DLGAP2: variants seen among roughly 807,000 people sequenced by gnomAD.
The protein encoded by DLGAP2 is disks large-associated protein 2.
In DLGAP2, 26 loss-of-function variants were observed where a neutral mutation model predicts 100.3. The observed-to-expected ratio is 0.26, with a 90% CI of 0.19 to 0.36. The LOEUF (loss-of-function observed/expected upper bound fraction) is 0.36, where lower values mean the gene tolerates loss of function less well. DLGAP2 is among the 10% of genes least tolerant of loss of function. The pLI is 1.00. For synonymous variants in DLGAP2, 886 were observed against 630.1 expected (o/e 1.41, Z -6.08); for missense variants, 1,858 against 1,453.2 (o/e 1.28, Z -4.53).
intron 2 of DLGAP2, among the ~76,000 whole-genome samples, chr8:1,209,215 C>T (rs187282747): frequency 2.0e-5 from 3 of 152,164 alleles, no homozygotes; most frequent in Admixed American, 6.5e-5. Flanking sequence ...GCAAAAAGAA[C>T]GAATCTGGAG....
At chr8:1,331,465 C>A (rs892021776) in intron 3 of DLGAP2, among the ~76,000 whole-genome samples, 1 of 152,176 alleles carries the variant, frequency 6.6e-6, no homozygotes, top group Non-Finnish European at 1.5e-5. Context: ...GCCGGGCAAA[C>A]AACAGACTCC....
At chr8:1,685,131 G>C (rs1416370258) in intron 12 of DLGAP2, among the ~76,000 whole-genome samples, 1 of 151,308 alleles carries the variant, frequency 6.6e-6, no homozygotes, top group Non-Finnish European at 1.5e-5. Context: ...CTTCCATGCT[G>C]AGACAAAATG....
chr8:963,336 G>A (rs773516369), intron 2 of DLGAP2, among the ~76,000 whole-genome samples: 3 of 151,656 alleles, frequency 2.0e-5, no homozygotes, highest in Non-Finnish European at 4.4e-5. Flanking sequence ...ACAAAAGTTA[G>A]CAGCTTTGGA....
intron 1 of DLGAP2, among the ~76,000 whole-genome samples, 151 bp from the exon 2 acceptor site, chr8:907,761 T>C (rs1233740446): frequency 6.6e-6 from 1 of 152,272 alleles, no homozygotes; most frequent in African/African-American, 2.4e-5. Flanking sequence ...AAGATTTTTC[T>C]GTACCGTTTA....
At chr8:1,696,276 G>A (rs1482475094) in intron 13 of DLGAP2, among the ~76,000 whole-genome samples, 1 of 152,214 alleles carries the variant, frequency 6.6e-6, no homozygotes, top group Non-Finnish European at 1.5e-5. Context: ...TGAGGCAAGA[G>A]GGTTGCTTGA....
intron 1 of DLGAP2, among the ~76,000 whole-genome samples, chr8:880,193 A>G (rs956991994): frequency 4.6e-5 from 7 of 151,898 alleles, no homozygotes; most frequent in Non-Finnish European, 1.0e-4. Flanking sequence ...CTGCACTTGC[A>G]TCTCCTTCTC....
At chr8:1,071,555 C>T (rs926479239) in intron 2 of DLGAP2, among the ~76,000 whole-genome samples, 2 of 152,300 alleles carry the variant, frequency 1.3e-5, no homozygotes, top group South Asian at 2.1e-4. Flanking sequence ...CACAAAACAG[C>T]GCTAGCCTGA....
In DLGAP2 at chr8:1,660,997, C is replaced by T. The variant is rs542677892; in HGVS notation, c.1811-7332C>T. Among the ~76,000 whole-genome samples, 132 of 152,280 alleles carry T rather than the reference C, an allele frequency of 8.7e-4. 1 individual carries two copies. Among genetic ancestry groups the T allele is most frequent in the Middle Eastern group, 6.8e-3 (2 of 294 alleles). On this transcript the variant is annotated intron_variant, in intron 8 of 14. Coordinates refer to ENST00000637795, the MANE Select transcript of DLGAP2 (RefSeq NM_001346810.2). ...ACCGGAATCTTGCACTTCCTGTCTA[C>T]GAGACAGGGAGAAACTTCACCTGTT...
intron 12 of DLGAP2, among the ~76,000 whole-genome samples, chr8:1,684,339 A>G (rs920264488): frequency 2.0e-5 from 3 of 152,056 alleles, no homozygotes; most frequent in Admixed American, 1.3e-4. Context: ...AACTAGCACA[A>G]TATTCATCAA....
chr8:1,052,695 C>T (rs73538187), intron 2 of DLGAP2, among the ~76,000 whole-genome samples: 9,011 of 152,070 alleles, frequency 0.059, 866 homozygotes, highest in African/African-American at 0.21. Context: ...TTCTGGTTGG[C>T]CTGGTCATCA....
intron 3 of DLGAP2, among the ~76,000 whole-genome samples, chr8:1,323,845 C>A (rs1488557676): frequency 6.6e-6 from 1 of 152,192 alleles, no homozygotes; most frequent in African/African-American, 2.4e-5. Context: ...GAGCTGAGGG[C>A]TTGGCTGTAC....
intron 8 of DLGAP2, among the ~76,000 whole-genome samples, chr8:1,653,287 G>A (rs185860160): frequency 2.6e-5 from 4 of 152,298 alleles, no homozygotes; most frequent in Admixed American, 2.6e-4. Context: ...TTGGTTCTTG[G>A]TGCTGGCCCT....
intron 3 of DLGAP2, among the ~76,000 whole-genome samples, chr8:1,497,127 C>T (rs991635580): frequency 4.6e-5 from 7 of 152,198 alleles, no homozygotes; most frequent in Non-Finnish European, 1.0e-4. Flanking sequence ...AAGCCCCACC[C>T]GGAGTTGCCG....
intron 1 of DLGAP2, among the ~76,000 whole-genome samples, chr8:892,305 C>T (rs1224409701): frequency 3.9e-5 from 6 of 152,236 alleles, no homozygotes; most frequent in South Asian, 2.1e-4. Flanking sequence ...CTAGCGTGTC[C>T]GTCCATGGAT....
At chr8:1,141,119 G>A (rs1205983465) in intron 2 of DLGAP2, among the ~76,000 whole-genome samples, 5 of 152,164 alleles carry the variant, frequency 3.3e-5, no homozygotes, top group South Asian at 2.1e-4. Flanking sequence ...TGGGGAGGCC[G>A]TGCTGCCTGG....
At chr8:844,792 C>G (rs925055883) in intron 1 of DLGAP2, among the ~76,000 whole-genome samples, 1 of 152,202 alleles carries the variant, frequency 6.6e-6, no homozygotes, top group Admixed American at 6.5e-5. Context: ...GCTTTAGCAT[C>G]TCCCAAAGAA....
At position 913,406 on chromosome 8, in the gene DLGAP2, C is replaced by T. The variant is rs534722742; in HGVS notation, c.73+5440C>T. ...GTGGCCAAGTTTGCATTCTCTCCTACGGGCCTGTCTCAAAGGACAACAGTT... is the reference window on the plus strand; with the variant it reads ...GTGGCCAAGTTTGCATTCTCTCCTATGGGCCTGTCTCAAAGGACAACAGTT... On this transcript the variant is annotated intron_variant, in intron 2 of 14. Transcript: ENST00000637795. Among the ~76,000 whole-genome samples the T allele has an allele frequency of 4.3e-4, 65 of 152,306 alleles. 1 individual carries two copies. Among genetic ancestry groups the T allele is most frequent in the African/African-American group, 1.5e-3 (61 of 41,572 alleles).
intron 1 of DLGAP2, among the ~76,000 whole-genome samples, chr8:817,252 A>G (rs767586213): frequency 6.6e-6 from 1 of 151,744 alleles, no homozygotes; most frequent in Non-Finnish European, 1.5e-5. Context: ...GTTCTATTCT[A>G]TTGCTGAGAC....
At chr8:1,598,446 C>T (rs758907186) in intron 6 of DLGAP2, among the ~76,000 whole-genome samples, 12 of 152,166 alleles carry the variant, frequency 7.9e-5, no homozygotes, top group Non-Finnish European at 1.8e-4. Context: ...ATGGTACCAG[C>T]TCCTCTTTGT....
Sources: allele counts gnomAD v4.1 joint callset (sites outside exome capture counted in the v4.1 genomes callset), GRCh38; gene constraint gnomAD v4.1.1; transcripts MANE v1.5; gene names NCBI Gene and HGNC (gene_info 2026-07-23, HGNC 2026-07-21).